Variants in PTPRK observed in about 807,000 individuals in gnomAD.
The protein encoded by PTPRK is receptor-type tyrosine-protein phosphatase kappa.
In PTPRK, 75 loss-of-function variants were observed where a neutral mutation model predicts 178.0. The ratio of observed to expected loss-of-function variants is 0.42; its 90% confidence interval spans 0.35 to 0.51. The LOEUF (loss-of-function observed/expected upper bound fraction) is 0.51. Among genes scored for constraint, PTPRK ranks in the 20% least tolerant of loss-of-function variants. The probability of loss-of-function intolerance (pLI) is 0.02; values close to 1 mark genes in which losing one functional copy is unlikely to be tolerated. For missense variants in PTPRK, 1,441 were observed against 1,797.8 expected (o/e 0.80, Z 3.59); for synonymous variants, 637 against 620.6 (o/e 1.03, Z -0.39).
chr6:128,179,804 A>G (rs1801633674), intron 7 of PTPRK, among the ~76,000 whole-genome samples: 1 of 152,026 alleles, frequency 6.6e-6, no homozygotes, highest in Non-Finnish European at 1.5e-5. Context: ...GCTAAAATTT[A>G]ACTTCTCACT....
At chr6:128,383,153 T>C (rs1007796981) in intron 2 of PTPRK, among the ~76,000 whole-genome samples, 11 of 152,144 alleles carry the variant, frequency 7.2e-5, no homozygotes, top group Admixed American at 5.2e-4. Flanking sequence ...AATACCTGAA[T>C]AATCCAGTTT....
At chr6:127,975,513 A>T (rs1774439645) in intron 27 of PTPRK, among the ~76,000 whole-genome samples, 2 of 152,222 alleles carry the variant, frequency 1.3e-5, no homozygotes, top group East Asian at 3.8e-4. Flanking sequence ...ACACTGAAAC[A>T]TGATAATCCT....
intron 15 of PTPRK, chr6:128,003,096 T>A: frequency 1.7e-6 from 2 of 1,191,496 alleles, no homozygotes; most frequent in African/African-American, 3.1e-5. Context: ...ATTTTCAAAA[T>A]CAAGCTGCCT....
At chr6:128,138,567 T>C (rs1795333958) in intron 7 of PTPRK, among the ~76,000 whole-genome samples, 1 of 152,108 alleles carries the variant, frequency 6.6e-6, no homozygotes, top group African/African-American at 2.4e-5. Context: ...ACCACACTGA[T>C]TTTTTTATTC....
At chr6:128,051,950 TCAGGA>T (rs1411873514) in intron 13 of PTPRK, among the ~76,000 whole-genome samples, 1 of 152,158 alleles carries the variant, frequency 6.6e-6, no homozygotes, top group Non-Finnish European at 1.5e-5. Flanking sequence ...TGTGGTTGGC[TCAGGA>T]CAGAAGTTCA....
chr6:128,442,642 C>G (rs1019657594), intron 1 of PTPRK, among the ~76,000 whole-genome samples: 1 of 152,176 alleles, frequency 6.6e-6, no homozygotes, highest in Non-Finnish European at 1.5e-5. Context: ...CAGTGGTGAG[C>G]TTCCAAAGAA....
At chr6:128,241,167 C>T in intron 4 of PTPRK, 2 of 503,232 alleles carry the variant, frequency 4.0e-6, no homozygotes, top group Admixed American at 2.2e-5. Context: ...TTACCAACCA[C>T]CACGTGGTAT....
At chr6:128,096,778 G>T (rs112363375) in intron 7 of PTPRK, among the ~76,000 whole-genome samples, 5,248 of 152,086 alleles carry the variant, frequency 0.035, 157 homozygotes, top group Middle Eastern at 0.092. Context: ...ACAAATACAA[G>T]AAAAGTGAAT....
intron 3 of PTPRK, among the ~76,000 whole-genome samples, chr6:128,275,732 T>C (rs1820624764): frequency 2.0e-5 from 3 of 152,120 alleles, no homozygotes; most frequent in Middle Eastern, 3.4e-3. Flanking sequence ...GTTCTAAAAT[T>C]AGTTGGTTGT....
intron 1 of PTPRK, among the ~76,000 whole-genome samples, chr6:128,459,685 G>T (rs1848795549): frequency 6.6e-6 from 1 of 152,062 alleles, no homozygotes; most frequent in South Asian, 2.1e-4. Context: ...AGACAATCAT[G>T]GTACTTATCT....
intron 29 of PTPRK, 48 bp from the exon 30 acceptor site, chr6:127,970,328 T>C: frequency 6.9e-7 from 1 of 1,447,430 alleles, no homozygotes; most frequent in Middle Eastern, 1.7e-4. Context: ...AGAAAGAGAC[T>C]AATGTTGAAT....
chr6:128,161,945 A>G (rs1202195753), intron 7 of PTPRK, among the ~76,000 whole-genome samples: 6 of 151,696 alleles, frequency 4.0e-5, no homozygotes, highest in Non-Finnish European at 8.9e-5. Context: ...TATGAGGTAG[A>G]GATCAAGTTA....
At chr6:128,454,429 C>T (rs1848157220) in intron 1 of PTPRK, among the ~76,000 whole-genome samples, 1 of 152,172 alleles carries the variant, frequency 6.6e-6, no homozygotes, top group Non-Finnish European at 1.5e-5. Flanking sequence ...TTAGGCCAGG[C>T]TAATGCTAAC....
chr6:128,294,184 T>A (rs1206131283), intron 3 of PTPRK, among the ~76,000 whole-genome samples: 1 of 152,146 alleles, frequency 6.6e-6, no homozygotes, highest in African/African-American at 2.4e-5. Flanking sequence ...TTTGATCATA[T>A]AAACAAATAT....
At chr6:128,188,217 C>G (rs1000485495) in intron 6 of PTPRK, among the ~76,000 whole-genome samples, 1 of 152,010 alleles carries the variant, frequency 6.6e-6, no homozygotes, top group Non-Finnish European at 1.5e-5. Flanking sequence ...ATTATAAAAC[C>G]CGAATTATAT....
At chr6:128,132,544 A>C (rs1052664139) in intron 7 of PTPRK, among the ~76,000 whole-genome samples, 1 of 152,146 alleles carries the variant, frequency 6.6e-6, no homozygotes, top group African/African-American at 2.4e-5. Flanking sequence ...CCCTTTCCCC[A>C]CCGGGGCCCA....
chr6:128,075,279 A>G (rs1392390509), intron 11 of PTPRK, among the ~76,000 whole-genome samples: 2 of 151,990 alleles, frequency 1.3e-5, no homozygotes, highest in Non-Finnish European at 2.9e-5. Flanking sequence ...GATCTTTCTA[A>G]AAACGTAAAA....
chr6:128,267,437 A>T (rs952296851), intron 3 of PTPRK, among the ~76,000 whole-genome samples: 1 of 152,120 alleles, frequency 6.6e-6, no homozygotes, highest in African/African-American at 2.4e-5. Context: ...CATAATAAAA[A>T]TAGAGAATAA....
intron 25 of PTPRK, 72 bp downstream of exon 25, chr6:127,981,044 A>T: frequency 7.5e-7 from 1 of 1,335,480 alleles, no homozygotes. Context: ...CGAAAAGAAA[A>T]CTAGCCAGTG....
Sources: gnomAD v4.1 joint callset for allele counts (sites outside exome capture counted in the v4.1 genomes callset) on GRCh38, gnomAD v4.1.1 for gene constraint, MANE v1.5 for transcripts, NCBI Gene and HGNC (gene_info 2026-07-23, HGNC 2026-07-21) for gene names.